Variants in PDE11A observed in about 807,000 individuals in gnomAD.
The protein encoded by PDE11A is dual 3',5'-cyclic-AMP and -GMP phosphodiesterase 11A.
PDE11A carries 100 observed loss-of-function variants against 100.5 expected under a neutral mutation model. That is an observed-to-expected ratio of 1.00 (90% CI 0.85 to 1.18). PDE11A has a LOEUF of 1.18. PDE11A is among the 50% of genes most tolerant of loss of function. PDE11A has a pLI of 0.00. For missense variants in PDE11A, 1,141 were observed against 1,152.6 expected (o/e 0.99, Z 0.15); for synonymous variants, 381 against 420.8 (o/e 0.91, Z 1.16).
chr2:178,065,554 G>A (rs1257692620), intron 1 of PDE11A, among the ~76,000 whole-genome samples: 2 of 152,212 alleles, frequency 1.3e-5, no homozygotes, highest in Non-Finnish European at 2.9e-5. Flanking sequence ...TCATGTGTCT[G>A]TCAGGAAGAG....
At chr2:177,798,496 A>G (rs2082738241) in intron 9 of PDE11A, among the ~76,000 whole-genome samples, 1 of 152,230 alleles carries the variant, frequency 6.6e-6, no homozygotes, top group Admixed American at 6.5e-5. Context: ...GGTTTCCATT[A>G]AAGTGTTTCA....
chr2:177,651,995 A>C (rs1161585061), intron 19 of PDE11A, among the ~76,000 whole-genome samples: 1 of 152,216 alleles, frequency 6.6e-6, no homozygotes, highest in East Asian at 1.9e-4. Flanking sequence ...CTGAAAGCAT[A>C]AGATGCTGAG....
intron 9 of PDE11A, among the ~76,000 whole-genome samples, chr2:177,797,413 A>G (rs764782295): frequency 6.6e-6 from 1 of 152,200 alleles, no homozygotes; most frequent in Admixed American, 6.5e-5. Context: ...TGGGAATGAT[A>G]CTGTGTACTC....
Position 177,816,848 on chromosome 2 carries a change from T to C in PDE11A, c.1718A>G (p.Lys573Arg). The part of the protein sequence containing the change: ...MYDQVKKSWA[K>R]QSVALDVLSY... ...ACTTACATCAAGAGCCACAGACTGCTTGGCCCAGGACTTCTTCACTTGATC... is the reference window on the plus strand; with the variant it reads ...ACTTACATCAAGAGCCACAGACTGCCTGGCCCAGGACTTCTTCACTTGATC... Residue 573 changes from lysine (K) to arginine (R), a missense_variant, in exon 9 of 20, where the codon AAG (lysine) becomes AGG (arginine). Coordinates refer to ENST00000286063, the MANE Select transcript of PDE11A (RefSeq NM_016953.4). 6.3e-7 allele frequency: 1 copy of C among 1,598,406 alleles called. No homozygotes were observed. The highest frequency in any genetic ancestry group is 2.2e-5 in the East Asian group (1 of 44,772).
intron 1 of PDE11A, among the ~76,000 whole-genome samples, chr2:178,052,578 G>T (rs1301090445): frequency 1.3e-5 from 2 of 151,342 alleles, no homozygotes; most frequent in African/African-American, 4.9e-5. Context: ...TCCAGGAGCT[G>T]GTTTTTTGAA....
At chr2:177,852,141 C>T (rs1405066924) in intron 5 of PDE11A, among the ~76,000 whole-genome samples, 1 of 152,202 alleles carries the variant, frequency 6.6e-6, no homozygotes, top group African/African-American at 2.4e-5. Flanking sequence ...AACTAACACA[C>T]TACCCTTGAT....
chr2:177,676,234 T>C (rs1574033334), intron 16 of PDE11A: 1 of 155,832 alleles, frequency 6.4e-6, no homozygotes, highest in East Asian at 1.9e-4. Flanking sequence ...ACAATTCAAA[T>C]TGTAGATAGC....
chr2:178,034,118 C>A (rs2086580651), intron 1 of PDE11A, among the ~76,000 whole-genome samples: 1 of 152,038 alleles, frequency 6.6e-6, no homozygotes, highest in Non-Finnish European at 1.5e-5. Context: ...GATAAAGAAT[C>A]AAGAGCCATT....
intron 9 of PDE11A, among the ~76,000 whole-genome samples, chr2:177,800,072 A>T (rs567128257): frequency 3.9e-5 from 6 of 152,292 alleles, no homozygotes; most frequent in African/African-American, 1.4e-4. Flanking sequence ...CTGCCCTGAG[A>T]TGCACAGGTA....
At chr2:177,630,702 T>G (rs903535900) in intron 19 of PDE11A, among the ~76,000 whole-genome samples, 1 of 152,194 alleles carries the variant, frequency 6.6e-6, no homozygotes, top group Non-Finnish European at 1.5e-5. Context: ...TTTTTTTACT[T>G]TTCATAATGA....
intron 15 of PDE11A, among the ~76,000 whole-genome samples, chr2:177,689,713 G>A (rs1409344513): frequency 2.6e-5 from 4 of 152,218 alleles, no homozygotes; most frequent in Non-Finnish European, 5.9e-5. Context: ...AAGAACCTGA[G>A]TGAATGACTT....
intron 6 of PDE11A, among the ~76,000 whole-genome samples, chr2:177,829,441 T>C (rs889213874): frequency 4.6e-5 from 7 of 150,714 alleles, no homozygotes; most frequent in Admixed American, 6.6e-5. Flanking sequence ...TAGGGTATGA[T>C]AGGCAAAATT....
chr2:177,870,821 T>G (rs2084118531), intron 5 of PDE11A, among the ~76,000 whole-genome samples: 1 of 152,230 alleles, frequency 6.6e-6, no homozygotes, highest in African/African-American at 2.4e-5. Context: ...AGTGTCATGT[T>G]GTTTCTGTTG....
At chr2:177,797,215 C>A (rs926810305) in intron 9 of PDE11A, 1 of 152,184 alleles carries the variant, frequency 6.6e-6, no homozygotes, top group East Asian at 1.9e-4. Flanking sequence ...GTGGTAAATG[C>A]TCTCCTGCAA....
intron 1 of PDE11A, among the ~76,000 whole-genome samples, chr2:178,051,308 A>G (rs1017268054): frequency 9.9e-5 from 15 of 152,238 alleles, no homozygotes; most frequent in African/African-American, 2.9e-4. Flanking sequence ...GCAAATGCTG[A>G]GAGATTTTGT....
chr2:177,970,755 A>T (rs1181357094), intron 2 of PDE11A, among the ~76,000 whole-genome samples: 1 of 152,202 alleles, frequency 6.6e-6, no homozygotes, highest in Non-Finnish European at 1.5e-5. Flanking sequence ...AGAAGACAGC[A>T]ACTTTGGAGA....
At position 178,072,038 on chromosome 2, in the gene PDE11A, T is replaced by TCGAA; in HGVS notation, c.399_400insTTCG (p.Asn134PhefsTer7). ...GTCACCTGTTCATCGTAGGTCCTGTTCACGTGGATGGCCTTGGAGCGGGCA... is the reference window on the plus strand; with the variant it reads ...GTCACCTGTTCATCGTAGGTCCTGTTCGAACACGTGGATGGCCTTGGAGCGGGCA... On this transcript the variant is annotated frameshift_variant, in exon 1 of 20. Coordinates refer to ENST00000286063, the MANE Select transcript of PDE11A (RefSeq NM_016953.4). LOFTEE classifies it high-confidence loss of function. 6.2e-7 allele frequency: 1 copy of TCGAA among 1,613,904 alleles called. No homozygotes were observed. The highest frequency in any genetic ancestry group is 8.5e-7 in the Non-Finnish European group (1 of 1,179,800).
At chr2:177,653,716 C>T (rs866031896) in intron 19 of PDE11A, among the ~76,000 whole-genome samples, 6 of 152,198 alleles carry the variant, frequency 3.9e-5, no homozygotes, top group African/African-American at 1.2e-4. Flanking sequence ...ATGCATGGAA[C>T]GGACTCTCCC....
At chr2:177,903,834 A>G (rs1319660112) in intron 3 of PDE11A, among the ~76,000 whole-genome samples, 2 of 152,220 alleles carry the variant, frequency 1.3e-5, no homozygotes, top group Non-Finnish European at 2.9e-5. Flanking sequence ...TGATCAAATG[A>G]AACAGATTGT....
Sources: allele counts gnomAD v4.1 joint callset (sites outside exome capture counted in the v4.1 genomes callset), GRCh38; gene constraint gnomAD v4.1.1; transcripts MANE v1.5; gene names NCBI Gene and HGNC (gene_info 2026-07-23, HGNC 2026-07-21).